PLA1A: variants seen among roughly 807,000 people sequenced by gnomAD.
PLA1A encodes phosphatidylserine-specific phospholipase A1alpha.
In PLA1A, 47 loss-of-function variants were observed where a neutral mutation model predicts 49.4. The observed-to-expected ratio is 0.95, with a 90% CI of 0.75 to 1.21. The LOEUF (loss-of-function observed/expected upper bound fraction) is 1.21. PLA1A is among the 50% of genes most tolerant of loss of function. PLA1A has a pLI of 0.00. For synonymous variants in PLA1A, 224 were observed against 207.9 expected (o/e 1.08, Z -0.67); for missense variants, 561 against 563.9 (o/e 0.99, Z 0.05).
chr3:119,605,282 G>A (rs1325374192), intron 1 of PLA1A, among the ~76,000 whole-genome samples: 1 of 152,140 alleles, frequency 6.6e-6, no homozygotes, highest in African/African-American at 2.4e-5. Flanking sequence ...CCTCTGCAAG[G>A]GGATTGAGGA....
chr3:119,608,044 C>T (rs1797832), intron 2 of PLA1A, among the ~76,000 whole-genome samples: 38,704 of 151,932 alleles, frequency 0.25, 5,735 homozygotes, highest in East Asian at 0.47. Flanking sequence ...TCCAGAAGGA[C>T]AGGGACTATA....
At position 119,606,783 on chromosome 3, in the gene PLA1A, C is replaced by T. The variant is rs763933272; in HGVS notation, c.83C>T (p.Pro28Leu). ...TTTTGTTTTCCTCCAGGGGATGCACCTCCTACCCCACAGCCAAAGTGCGCT... is the reference window on the plus strand; with the variant it reads ...TTTTGTTTTCCTCCAGGGGATGCACTTCCTACCCCACAGCCAAAGTGCGCT... ...WLSVGSSGDA[P>L]PTPQPKCADF... Residue 28 changes from proline (P) to leucine (L), a missense_variant, in exon 2 of 11, where the codon CCT becomes CTT. Transcript: ENST00000273371. 1 of 1,613,548 alleles carries T rather than the reference C, an allele frequency of 6.2e-7. No homozygotes were observed. Among genetic ancestry groups the T allele is most frequent in the Non-Finnish European group, 8.5e-7 (1 of 1,179,692 alleles).
chr3:119,622,496 G>T (rs143465343), intron 8 of PLA1A, among the ~76,000 whole-genome samples: 317 of 152,288 alleles, frequency 2.1e-3, no homozygotes, highest in Admixed American at 4.4e-3. Flanking sequence ...CTTTCTTCTT[G>T]TGGGTTCTTG....
In PLA1A at chr3:119,597,953, G is replaced by T; in HGVS notation, c.40G>T (p.Gly14Cys). 1 of 1,610,650 alleles carries T rather than the reference G, an allele frequency of 6.2e-7. No individual in the cohort carries two copies. Residue 14 changes from glycine to cysteine, a missense_variant, in exon 1 of 11, where the codon GGC (glycine) becomes TGC (cysteine). Coordinates refer to ENST00000273371, the MANE Select transcript of PLA1A (RefSeq NM_015900.4). ...GPWESCFWVG[G>C]LILWLSVGSS... ...CTGGGAGAGCTGCTTCTGGGTGGGG[G>T]GCCTCATTTTGTGGCTCAGCGTTGG...
At chr3:119,602,261 C>T (rs1398240238) in intron 1 of PLA1A, among the ~76,000 whole-genome samples, 2 of 152,200 alleles carry the variant, frequency 1.3e-5, no homozygotes, top group African/African-American at 4.8e-5. Flanking sequence ...CTCTGTGAAA[C>T]TCTCAGGCCT....
intron 1 of PLA1A, among the ~76,000 whole-genome samples, chr3:119,600,620 G>A (rs1422709256): frequency 2.6e-5 from 4 of 152,196 alleles, no homozygotes; most frequent in African/African-American, 9.7e-5. Flanking sequence ...AAAAGCCTTG[G>A]TAACTGAGAA....
At chr3:119,603,444 C>T (rs567845705) in intron 1 of PLA1A, among the ~76,000 whole-genome samples, 2 of 152,326 alleles carry the variant, frequency 1.3e-5, no homozygotes, top group South Asian at 4.1e-4. Flanking sequence ...GACTAAGTTG[C>T]TACCAATGTT....
chr3:119,619,153 C>A (rs903128844), intron 7 of PLA1A, among the ~76,000 whole-genome samples: 1 of 152,210 alleles, frequency 6.6e-6, no homozygotes, highest in Admixed American at 6.5e-5. Context: ...TAACCATACT[C>A]TCTTCCCAGA....
intron 5 of PLA1A, among the ~76,000 whole-genome samples, chr3:119,613,871 C>T (rs538196096): frequency 2.0e-5 from 3 of 150,036 alleles, no homozygotes; most frequent in South Asian, 2.1e-4. Context: ...CCAGCCTGAG[C>T]GACAGAGCGA....
At chr3:119,614,929 G>A (rs890041078) in intron 5 of PLA1A, among the ~76,000 whole-genome samples, 3 of 152,134 alleles carry the variant, frequency 2.0e-5, no homozygotes, top group Non-Finnish European at 2.9e-5. Flanking sequence ...GTAGGGGTCC[G>A]GGTGAGAGAT....
chr3:119,612,288 G>C (rs2629398), intron 4 of PLA1A, among the ~76,000 whole-genome samples: 37,000 of 152,108 alleles, frequency 0.24, 5,708 homozygotes, highest in East Asian at 0.47. Context: ...GGGAAGGGAA[G>C]GGATCCAAAC....
intron 1 of PLA1A, among the ~76,000 whole-genome samples, chr3:119,604,227 G>A (rs1418363541): frequency 2.0e-5 from 3 of 152,146 alleles, no homozygotes; most frequent in African/African-American, 7.2e-5. Context: ...ACTTCCATAT[G>A]ATCCAGCAAT....
intron 1 of PLA1A, among the ~76,000 whole-genome samples, chr3:119,599,014 G>A (rs2082578902): frequency 6.6e-6 from 1 of 152,188 alleles, no homozygotes; most frequent in Non-Finnish European, 1.5e-5. Context: ...AGCATAGTTA[G>A]TGCTGTGCTC....
chr3:119,607,186 A>T (rs1304538965), intron 2 of PLA1A: 2 of 573,422 alleles, frequency 3.5e-6, no homozygotes, highest in Admixed American at 6.0e-5. Context: ...TTCTCCACCC[A>T]GTCTTGTCTA....
intron 8 of PLA1A, among the ~76,000 whole-genome samples, chr3:119,621,305 C>T (rs1050055024): frequency 1.1e-4 from 17 of 152,226 alleles, no homozygotes; most frequent in Middle Eastern, 3.2e-3. Context: ...GACCACCTCC[C>T]CACACCTTCA....
intron 1 of PLA1A, among the ~76,000 whole-genome samples, chr3:119,599,104 C>T (rs1013504172): frequency 1.3e-5 from 2 of 152,120 alleles, no homozygotes; most frequent in African/African-American, 4.8e-5. Flanking sequence ...GGGGAATAGG[C>T]TCTGTCTGGG....
At chr3:119,608,476 C>T (rs1311303196) in intron 2 of PLA1A, among the ~76,000 whole-genome samples, 3 of 152,186 alleles carry the variant, frequency 2.0e-5, no homozygotes, top group Non-Finnish European at 4.4e-5. Context: ...TGACAAAAGG[C>T]TGATGAGGCT....
At chr3:119,618,505 T>C (rs1017914005) in intron 7 of PLA1A, among the ~76,000 whole-genome samples, 3 of 152,206 alleles carry the variant, frequency 2.0e-5, no homozygotes, top group African/African-American at 4.8e-5. Context: ...CAGTTCTTCA[T>C]AGACCCTAAA....
At chr3:119,611,980 T>G (rs1486572914) in intron 4 of PLA1A, among the ~76,000 whole-genome samples, 1 of 152,196 alleles carries the variant, frequency 6.6e-6, no homozygotes, top group Non-Finnish European at 1.5e-5. Context: ...GACAGTTTTG[T>G]TATATACATG....
Sources: gnomAD v4.1 joint callset for allele counts (sites outside exome capture counted in the v4.1 genomes callset) on GRCh38, gnomAD v4.1.1 for gene constraint, MANE v1.5 for transcripts, NCBI Gene and HGNC (gene_info 2026-07-23, HGNC 2026-07-21) for gene names.